GRM6: variants seen among roughly 807,000 people sequenced by gnomAD.
GRM6 encodes glutamate metabotropic receptor 6, also known as metabotropic glutamate receptor 6.
GRM6 carries 73 observed loss-of-function variants against 78.4 expected under a neutral mutation model. That is an observed-to-expected ratio of 0.93 (90% CI 0.77 to 1.13). GRM6 has a LOEUF of 1.13. GRM6 is among the 50% of genes most tolerant of loss of function. The pLI is 0.00. For missense variants in GRM6, 1,251 were observed against 1,256.4 expected (o/e 1.00, Z 0.07); for synonymous variants, 580 against 555.0 (o/e 1.05, Z -0.63).
rs2645334 is a variant in GRM6 at position 178,992,849 on chromosome 5, G to A, written c.505-766C>T. Among the ~76,000 whole-genome samples the A allele has an allele frequency of 0.97, 148,155 of 152,036 alleles. 72,299 individuals are homozygous for A. Among genetic ancestry groups the A allele is most frequent in the East Asian group, 1 (5,131 of 5,132 alleles). Reference sequence around the variant, plus strand: ...ATAGAGACAGCATGAAAAGGAAGCCGGGAGTGGCAGGGAGAGAGAAAGAAA... The same window carrying A: ...ATAGAGACAGCATGAAAAGGAAGCCAGGAGTGGCAGGGAGAGAGAAAGAAA... On this transcript the variant is annotated intron_variant, in intron 2 of 10. Coordinates refer to ENST00000517717, the MANE Select transcript of GRM6 (RefSeq NM_000843.4). The surrounding 1 kb of genome is among the most constrained non-coding windows in gnomAD (Gnocchi z 4.9).
rs1490728355 is a variant in GRM6, at chr5:178,986,374, A to T, written c.1880T>A (p.Leu627His). Reference sequence around the variant, plus strand: ...GTAGATGAGGAAGATGCCGGTGAGGAGGACGTAGCTGAGCTCTCGGCCCGA... The same window carrying T: ...GTAGATGAGGAAGATGCCGGTGAGGTGGACGTAGCTGAGCTCTCGGCCCGA... ...RASGRELSYV[L>H]LTGIFLIYAI... Residue 627 changes from leucine (L) to histidine (H), a missense_variant, in exon 9 of 11, where the codon CTC (leucine) becomes CAC (histidine). Coordinates refer to ENST00000517717, the MANE Select transcript of GRM6 (RefSeq NM_000843.4). 1 of 1,614,052 alleles carries T rather than the reference A, an allele frequency of 6.2e-7. No homozygotes were observed. The highest frequency in any genetic ancestry group is 8.5e-7 in the Non-Finnish European group (1 of 1,180,030).
Position 178,992,666 on chromosome 5 carries a change from A to T in GRM6, c.505-583T>A, listed in dbSNP as rs1181759895. ...AGGCTGAACTGACCGGGGAGTGTGG[A>T]GGCAGAGACACGGGGCTGAGAAGGC... On this transcript the variant is annotated intron_variant, in intron 2 of 10. Coordinates refer to ENST00000517717, the MANE Select transcript of GRM6 (RefSeq NM_000843.4). The surrounding 1 kb of genome is among the most constrained non-coding windows in gnomAD (Gnocchi z 4.9). 1.3e-5 allele frequency among the ~76,000 whole-genome samples: 2 copies of T among 151,956 alleles called. No homozygotes were observed. The highest frequency in any genetic ancestry group is 3.9e-4 in the East Asian group (2 of 5,174).
At position 178,990,287 on chromosome 5, in the gene GRM6, A is replaced by G. The variant is rs903985; in HGVS notation, c.1012+305T>C. Among the ~76,000 whole-genome samples, 139,939 of 152,222 alleles carry G rather than the reference A, an allele frequency of 0.92. 65,515 individuals carry two copies. The highest frequency in any genetic ancestry group is 1 in the East Asian group (5,163 of 5,164). Reference sequence around the variant, plus strand: ...CGTATCCTTGGTTTCTCTCCCTCCCACCCTCACCCTCAGATTAGAATGTCT... The same window carrying G: ...CGTATCCTTGGTTTCTCTCCCTCCCGCCCTCACCCTCAGATTAGAATGTCT... On this transcript the variant is annotated intron_variant, in intron 5 of 10. Coordinates refer to ENST00000517717, the MANE Select transcript of GRM6 (RefSeq NM_000843.4).
intron 9 of GRM6, 91 bp from the exon 10 acceptor site, chr5:178,983,312 T>C: frequency 8.8e-7 from 1 of 1,131,876 alleles, no homozygotes; most frequent in East Asian, 2.4e-5. Context: ...CAGGATCCCC[T>C]TGAGGCTCTG....
At chr5:178,985,515 A>T in intron 9 of GRM6, 5 of 339,978 alleles carry the variant, frequency 1.5e-5, no homozygotes, top group East Asian at 8.3e-5. Context: ...CATCCTGGCT[A>T]ACACGGTGAA....
chr5:178,986,652 G>T lies in GRM6; in HGVS notation c.1602C>A (p.Val534=). The T allele has an allele frequency of 1.2e-6, 2 of 1,602,646 alleles. No homozygotes were observed. Among genetic ancestry groups the T allele is most frequent in the Non-Finnish European group, 1.7e-6 (2 of 1,179,894 alleles). The part of the protein sequence containing the change: ...PGERKKMVKG[V]PCCWHCEACD... ...AGGCCTCGCAGTGCCAACAGCAGGG[G>T]ACGCCCTTCACCATCTTCTTCCGCT... Residue 534 remains valine, a synonymous_variant, in exon 9 of 11, where the codon GTC becomes GTA. Transcript: ENST00000517717.
At chr5:178,987,812 T>G (rs1760597281) in intron 7 of GRM6, among the ~76,000 whole-genome samples, 1 of 151,808 alleles carries the variant, frequency 6.6e-6, no homozygotes, top group Non-Finnish European at 1.5e-5. Flanking sequence ...CAGGCTGGAG[T>G]GCAGTGGCAC....
chr5:178,986,321 G>T lies in GRM6; in HGVS notation c.1933C>A (p.Pro645Thr), dbSNP rs770999383. Residue 645 changes from proline to threonine, a missense_variant, in exon 9 of 11, where the codon CCT becomes ACT. Pro to Thr is a conservative substitution (Grantham distance 38). Coordinates refer to ENST00000517717, the MANE Select transcript of GRM6 (RefSeq NM_000843.4). ...CGGGCGGCACAGACCGCGGCCCCAG[G>T]CTCAGCCACCATGAGGAAGGTGATG... The part of the protein sequence containing the change: ...YAITFLMVAE[P>T]GAAVCAARRL... 1 of 1,614,114 alleles carries T rather than the reference G, an allele frequency of 6.2e-7. No individual in the cohort carries two copies. The highest frequency in any genetic ancestry group is 1.1e-5 in the South Asian group (1 of 91,086).
chr5:178,981,319 G>A lies in GRM6; in HGVS notation c.*338C>T, dbSNP rs1271702191. On this transcript the variant is annotated 3_prime_UTR_variant, in exon 11 of 11. Coordinates refer to ENST00000517717, the MANE Select transcript of GRM6 (RefSeq NM_000843.4). The surrounding 1 kb of genome is among the most constrained non-coding windows in gnomAD (Gnocchi z 5.1). ...GTTGACTGAGGGGAGGAAATCTCCC[G>A]CAAACCAGGCAAAGCCCAGGGCTTC... The A allele has an allele frequency of 3.5e-5, 10 of 285,244 alleles. No homozygotes were observed. The highest frequency in any genetic ancestry group is 5.4e-5 in the Non-Finnish European group (8 of 148,952). 17.7% of individuals were successfully genotyped at this position (285,244 alleles called of 1,614,324 possible).
At chr5:178,985,494 G>A (rs1481542250) in intron 9 of GRM6, 25 of 341,548 alleles carry the variant, frequency 7.3e-5, no homozygotes, top group Middle Eastern at 1.1e-3. Context: ...ACGAGGTCAG[G>A]AGATCGAGAC....
rs769841415 is a variant in GRM6, at chr5:178,988,985, G to A, written c.1304C>T (p.Pro435Leu). 9 of 1,614,060 alleles carry A rather than the reference G, an allele frequency of 5.6e-6. No individual in the cohort carries two copies. In the East Asian group the frequency reaches 1.8e-4, roughly 32 times the overall value. ...CTGCAGAAGCATCCGCCCATCAGTG[G>A]GTTCCATCGCCGGGCACAGGCCTGT... ...GHTGLCPAME[P>L]TDGRMLLQYI... is the part of the protein sequence containing the mutation. The change falls in exon 7 of 11, where the codon CCC (proline) becomes CTC (leucine). Residue 435 changes from proline (P) to leucine (L), a missense_variant. Transcript: ENST00000517717. The surrounding 1 kb of genome is among the most constrained non-coding windows in gnomAD (Gnocchi z 6.0).
Position 178,989,027 on chromosome 5 carries a change from G to A in GRM6, c.1262C>T (p.Ala421Val), listed in dbSNP as rs201846399. ...CAGGCCTGTGTGCCCAGGGCAGAGC[G>A]CCTGGTGCATGCTGTGGAGGGCGTG... Reference protein sequence around the residue: ...IAHALHSMHQALCPGHTGLCP... With the variant: ...IAHALHSMHQVLCPGHTGLCP... The change falls in exon 7 of 11, where the codon GCG becomes GTG. Residue 421 changes from alanine to valine, a missense_variant. Ala to Val is a moderately conservative substitution (Grantham distance 64). Coordinates refer to ENST00000517717, the MANE Select transcript of GRM6 (RefSeq NM_000843.4). The A allele has an allele frequency of 3.6e-5, 58 of 1,613,976 alleles. 1 individual carries two copies. In the Admixed American group the frequency reaches 4.5e-4, roughly 13 times the overall value.
At position 178,981,744 on chromosome 5, in the gene GRM6, C is replaced by T; in HGVS notation, c.2547G>A (p.Gln849=). The change falls in exon 11 of 11, where the codon CAG becomes CAA. Residue 849 remains glutamine, a synonymous_variant. Coordinates refer to ENST00000517717, the MANE Select transcript of GRM6 (RefSeq NM_000843.4). The surrounding 1 kb of genome is among the most constrained non-coding windows in gnomAD (Gnocchi z 5.1). The stretch of plus-strand genomic sequence containing the variant: ...GGCTCCGCTTTCGCTTCTGCACATT[C>T]TGCTCTGGATGGAAGAGGATGACGT... ...KTYVILFHPE[Q]NVQKRKRSLK... 6.2e-7 allele frequency: 1 copy of T among 1,614,014 alleles called. No individual in the cohort carries two copies. The highest frequency in any genetic ancestry group is 8.5e-7 in the Non-Finnish European group (1 of 1,179,824).
chr5:178,989,006 C>G lies in GRM6; in HGVS notation c.1283G>C (p.Gly428Ala), dbSNP rs1311475852. The part of the protein sequence containing the change: ...MHQALCPGHT[G>A]LCPAMEPTDG... ...AGTGGGTTCCATCGCCGGGCACAGG[C>G]CTGTGTGCCCAGGGCAGAGCGCCTG... Residue 428 changes from glycine (G) to alanine (A), a missense_variant, in exon 7 of 11, where the codon GGC becomes GCC. By Grantham distance (60) the Gly-to-Ala change is moderately conservative. Transcript: ENST00000517717. The G allele has an allele frequency of 3.7e-6, 6 of 1,614,066 alleles. No homozygotes were observed. Among genetic ancestry groups the G allele is most frequent in the Non-Finnish European group, 5.1e-6 (6 of 1,179,964 alleles).
intron 6 of GRM6, 48 bp downstream of exon 6, chr5:178,989,217 A>AGCC: frequency 6.3e-6 from 6 of 954,806 alleles, no homozygotes; most frequent in Non-Finnish European, 8.7e-6. Context: ...CCCCACCCTC[A>AGCC]CCACCCTCCC....
rs1421642488 is a variant in GRM6 at position 178,992,171 on chromosome 5, G to A, written c.505-88C>T. On this transcript the variant is annotated intron_variant, in intron 2 of 10. Coordinates refer to ENST00000517717, the MANE Select transcript of GRM6 (RefSeq NM_000843.4). The surrounding 1 kb of genome is among the most constrained non-coding windows in gnomAD (Gnocchi z 4.9). ...AAGGGGGGCCCAGGACACGGACGGG[G>A]CACAGAAGGTGTGTGGCATGGACCT... is the stretch of plus-strand genomic sequence containing the variant. 1.1e-6 allele frequency: 1 copy of A among 869,998 alleles called. No individual in the cohort carries two copies. 53.9% of individuals were successfully genotyped at this position (869,998 alleles called of 1,614,324 possible).
In GRM6 at chr5:178,986,934, C is replaced by T; in HGVS notation, c.1404G>A (p.Gly468=). 1 of 1,614,140 alleles carries T rather than the reference C, an allele frequency of 6.2e-7. No homozygotes were observed. Residue 468 remains glycine, a synonymous_variant, in exon 8 of 11, where the codon GGG becomes GGA. Transcript: ENST00000517717. ...VMFNENGDAP[G]RYDIFQYQAT... Reference sequence around the variant, plus strand: ...CCTGGTACTGGAAGATGTCGTACCGCCCGGGCGCATCTCCGTTCTCGTTGA... The same window carrying T: ...CCTGGTACTGGAAGATGTCGTACCGTCCGGGCGCATCTCCGTTCTCGTTGA...
chr5:178,994,702 G>T lies in GRM6; in HGVS notation c.243C>A (p.Ala81=), dbSNP rs1410165268. Residue 81 remains alanine, a synonymous_variant, in exon 2 of 11, where the codon GCC becomes GCA. Coordinates refer to ENST00000517717, the MANE Select transcript of GRM6 (RefSeq NM_000843.4). ...AMLYALDRVN[A]DPELLPGVRL... ...GCACGCCGGGCAGCAGCTCGGGGTCGGCGTTGACGCGGTCCAGCGCGTACA... is the reference window on the plus strand; with the variant it reads ...GCACGCCGGGCAGCAGCTCGGGGTCTGCGTTGACGCGGTCCAGCGCGTACA... The T allele has an allele frequency of 6.8e-7, 1 of 1,468,298 alleles. No individual in the cohort carries two copies. Among genetic ancestry groups the T allele is most frequent in the Non-Finnish European group, 9.0e-7 (1 of 1,112,682 alleles). 91.0% of individuals were successfully genotyped at this position (1,468,298 alleles called of 1,614,324 possible). A position where few individuals can be genotyped will look rare whatever the true frequency, so the allele number is the denominator to read the frequency against.
In GRM6 at chr5:178,984,177, T is replaced by TGGG. The variant is rs142958524; in HGVS notation, c.2125-957_2125-956insCCC. Among the ~76,000 whole-genome samples, 1,527 of 149,786 alleles carry TGGG rather than the reference T, an allele frequency of 0.01. 74 individuals carry two copies. In the East Asian group the frequency reaches 0.15, roughly 14 times the overall value. On this transcript the variant is annotated intron_variant, in intron 9 of 10. Coordinates refer to ENST00000517717, the MANE Select transcript of GRM6 (RefSeq NM_000843.4). ...GTTCCTACTAGAACAAGGCTCCAGG[T>TGGG]GGAAAAAAAAAAAGTTGCTCATGAG... is the stretch of plus-strand genomic sequence containing the variant.
Sources: allele counts gnomAD v4.1 joint callset (sites outside exome capture counted in the v4.1 genomes callset), GRCh38; gene constraint gnomAD v4.1.1; non-coding constraint Gnocchi (gnomAD v3.1); transcripts MANE v1.5; gene names NCBI Gene and HGNC (gene_info 2026-07-23, HGNC 2026-07-21).